The following TUSC3 variants were observed in gnomAD, a reference collection of about 807,000 sequenced individuals.
The protein encoded by TUSC3 is dolichyl-diphosphooligosaccharide--protein glycosyltransferase subunit TUSC3.
Under a neutral mutation model 44.8 loss-of-function variants are expected in TUSC3, and 45 were observed. The ratio of observed to expected loss-of-function variants is 1.00; its 90% confidence interval spans 0.79 to 1.29. The LOEUF (loss-of-function observed/expected upper bound fraction) is 1.29, where lower values mean the gene tolerates loss of function less well. TUSC3 is among the 50% of genes most tolerant of loss of function. The pLI, the probability that TUSC3 is intolerant of heterozygous loss-of-function variation, is 0.00. For synonymous variants in TUSC3, 212 were observed against 152.9 expected, an observed-to-expected ratio of 1.39 and a Z score of -2.85; for missense variants, 519 against 437.9, an observed-to-expected ratio of 1.19 and a Z score of -1.65.
chr8:15,789,211 G>T, the TUSC3 span, among the ~76,000 whole-genome samples: 3 of 152,156 alleles, frequency 2.0e-5, no homozygotes, highest in Non-Finnish European at 1.5e-5. Flanking sequence ...GGCGGCTCAT[G>T]TCACTGACTC....
chr8:15,806,608 ATCT>A, the TUSC3 span: 16 of 1,451,018 alleles, frequency 1.1e-5, no homozygotes, highest in Non-Finnish European at 1.4e-5. Context: ...TGAAGTGATC[ATCT>A]TCTTCAGATC....
At chr8:15,673,581 A>G (rs1417257249) in intron 5 of TUSC3, among the ~76,000 whole-genome samples, 166 bp from the exon 6 acceptor site, 2 of 152,120 alleles carry the variant, frequency 1.3e-5, no homozygotes, top group South Asian at 4.1e-4. Flanking sequence ...CAGGGAGAAT[A>G]AGTAACTTAC....
At chr8:15,619,775 G>A (rs539203910) in intron 1 of TUSC3, among the ~76,000 whole-genome samples, 1 of 152,166 alleles carries the variant, frequency 6.6e-6, no homozygotes, top group African/African-American at 2.4e-5. Context: ...CTCCCAAAGT[G>A]CTGGGATTAC....
chr8:15,746,608 G>T (rs1811426469), intron 8 of TUSC3, among the ~76,000 whole-genome samples: 1 of 151,950 alleles, frequency 6.6e-6, no homozygotes, highest in South Asian at 2.1e-4. Flanking sequence ...TTGTTCCACT[G>T]CATAGGATCA....
intron 1 of TUSC3, among the ~76,000 whole-genome samples, chr8:15,434,730 C>T (rs1267019265): frequency 6.6e-6 from 1 of 151,690 alleles, no homozygotes; most frequent in Admixed American, 6.6e-5. Context: ...ATTCCCCTTG[C>T]TGTGTCCGTG....
intron 1 of TUSC3, among the ~76,000 whole-genome samples, chr8:15,442,905 C>G (rs1006882386): frequency 1.3e-5 from 2 of 152,204 alleles, no homozygotes; most frequent in East Asian, 3.9e-4. Flanking sequence ...GATCAAGTTT[C>G]TCTCCCCCGA....
At chr8:15,426,408 C>G (rs943383239) in intron 1 of TUSC3, among the ~76,000 whole-genome samples, 2 of 152,152 alleles carry the variant, frequency 1.3e-5, no homozygotes, top group African/African-American at 4.8e-5. Context: ...CCAGTTTCCC[C>G]AAATCCCATT....
At chr8:15,820,541 A>AAG in the TUSC3 span, among the ~76,000 whole-genome samples, 2 of 151,978 alleles carry the variant, frequency 1.3e-5, no homozygotes, top group African/African-American at 4.8e-5. Flanking sequence ...GATGGTCTCG[A>AAG]TCTCTTGACC....
chr8:15,481,596 C>T (rs1276315161), intron 1 of TUSC3, among the ~76,000 whole-genome samples: 1 of 152,124 alleles, frequency 6.6e-6, no homozygotes, highest in African/African-American at 2.4e-5. Flanking sequence ...AAGCAGGTAT[C>T]ACAGTAAAGC....
intron 2 of TUSC3, among the ~76,000 whole-genome samples, chr8:15,639,001 GTGA>G (rs1482252732): frequency 4.1e-5 from 6 of 146,820 alleles, no homozygotes; most frequent in Non-Finnish European, 5.9e-5. Context: ...CAAGGCTTCA[GTGA>G]TGATGATCAT....
intron 1 of TUSC3, among the ~76,000 whole-genome samples, chr8:15,451,703 C>T (rs552494056): frequency 2.0e-5 from 3 of 152,212 alleles, no homozygotes; most frequent in African/African-American, 7.2e-5. Flanking sequence ...AGGACAAAAG[C>T]ACAGGTGAGA....
intron 1 of TUSC3, among the ~76,000 whole-genome samples, chr8:15,596,807 T>C (rs1330787846): frequency 6.6e-6 from 1 of 152,112 alleles, no homozygotes; most frequent in African/African-American, 2.4e-5. Context: ...TGATAACTCT[T>C]TTTCTCCCTT....
chr8:15,501,662 G>C (rs1800967314), intron 2 of TUSC3, among the ~76,000 whole-genome samples: 1 of 152,162 alleles, frequency 6.6e-6, no homozygotes, highest in African/African-American at 2.4e-5. Context: ...AGTTTCGTCA[G>C]AGGCTACATA....
chr8:15,795,743 C>T, the TUSC3 span, among the ~76,000 whole-genome samples: 47 of 152,298 alleles, frequency 3.1e-4, no homozygotes, highest in African/African-American at 1.0e-3. Context: ...GCAAAAGTCC[C>T]GGGGCCTCCA....
intron 5 of TUSC3, among the ~76,000 whole-genome samples, chr8:15,662,890 G>C (rs552317474): frequency 1.6e-4 from 24 of 152,038 alleles, no homozygotes; most frequent in African/African-American, 5.8e-4. Flanking sequence ...TTCCCAGATT[G>C]TGACATGAGC....
intron 6 of TUSC3, among the ~76,000 whole-genome samples, chr8:15,698,182 G>A (rs1482866023): frequency 6.6e-6 from 1 of 152,002 alleles, no homozygotes; most frequent in Non-Finnish European, 1.5e-5. Flanking sequence ...TTTTATAATA[G>A]ATGTCTAGCA....
chr8:15,582,707 G>A (rs1489401396), intron 1 of TUSC3, among the ~76,000 whole-genome samples: 1 of 152,166 alleles, frequency 6.6e-6, no homozygotes, highest in Non-Finnish European at 1.5e-5. Context: ...GCCTGCTGCT[G>A]AAACTGCCTG....
intron 1 of TUSC3, among the ~76,000 whole-genome samples, chr8:15,451,045 A>C (rs147044057): frequency 5.1e-4 from 77 of 152,264 alleles, no homozygotes; most frequent in African/African-American, 1.8e-3. Flanking sequence ...CTTTTTCCTG[A>C]ACATCACTAG....
chr8:15,742,485 A>G (rs550295967), intron 7 of TUSC3, among the ~76,000 whole-genome samples: 136 of 152,340 alleles, frequency 8.9e-4, no homozygotes, highest in Non-Finnish European at 1.5e-3. Flanking sequence ...AATTTCAATA[A>G]TATGGTTATA....
Sources: allele counts gnomAD v4.1 joint callset (sites outside exome capture counted in the v4.1 genomes callset), GRCh38; gene constraint gnomAD v4.1.1; transcripts MANE v1.5; gene names NCBI Gene and HGNC (gene_info 2026-07-23, HGNC 2026-07-21).